The following SAMMSON variants were observed in gnomAD, a reference collection of about 807,000 sequenced individuals.
SAMMSON encodes the protein survival associated mitochondrial melanoma specific oncogenic non-coding RNA.
At chr3:70,225,005 C>A (rs1701490305) in intron 4 of SAMMSON, among the ~76,000 whole-genome samples, 1 of 152,048 alleles carries the variant, frequency 6.6e-6, no homozygotes, top group South Asian at 2.1e-4. Flanking sequence ...AATGTTGATA[C>A]GTGTACTCAA....
At chr3:70,418,978 C>CT (rs1553664159) in intron 2 of SAMMSON, among the ~76,000 whole-genome samples, 4 of 56,680 alleles carry the variant, frequency 7.1e-5, no homozygotes, top group African/African-American at 2.2e-4. Context: ...TCCTTCCTTC[C>CT]TTCTCTCTCT....
intron 9 of SAMMSON, among the ~76,000 whole-genome samples, chr3:70,371,810 T>C (rs1430842185): frequency 6.6e-6 from 1 of 152,186 alleles, no homozygotes; most frequent in African/African-American, 2.4e-5. Flanking sequence ...CTTTTCCAGA[T>C]TGGTTGCCTT....
chr3:70,029,747 T>G, intron 3 of SAMMSON, among the ~76,000 whole-genome samples: 1 of 139,648 alleles, frequency 7.2e-6, no homozygotes, highest in South Asian at 2.4e-4. Flanking sequence ...AGAGTAAGAC[T>G]CTGTCAAAAA....
intron 4 of SAMMSON, among the ~76,000 whole-genome samples, chr3:70,107,400 G>A (rs535776390): frequency 8.5e-5 from 13 of 152,236 alleles, no homozygotes; most frequent in African/African-American, 2.6e-4. Flanking sequence ...TCATAAATTG[G>A]GAGTGGTCTC....
At chr3:70,417,087 A>C (rs980711516) in intron 2 of SAMMSON, among the ~76,000 whole-genome samples, 1 of 152,130 alleles carries the variant, frequency 6.6e-6, no homozygotes, top group Non-Finnish European at 1.5e-5. Context: ...TTCCAGGTGG[A>C]ACATTGTGTA....
At chr3:70,216,636 G>A (rs1369163103) in intron 4 of SAMMSON, among the ~76,000 whole-genome samples, 2 of 152,050 alleles carry the variant, frequency 1.3e-5, no homozygotes, top group Non-Finnish European at 2.9e-5. Flanking sequence ...ATGTATTATA[G>A]ATGTTACCGT....
intron 4 of SAMMSON, among the ~76,000 whole-genome samples, chr3:70,243,628 G>T (rs1223851699): frequency 6.6e-6 from 1 of 152,126 alleles, no homozygotes; most frequent in East Asian, 1.9e-4. Context: ...GGGTTGGGTG[G>T]CAGCGTCCCT....
At chr3:70,284,303 T>A (rs2106685079) in intron 6 of SAMMSON, among the ~76,000 whole-genome samples, 1 of 152,334 alleles carries the variant, frequency 6.6e-6, no homozygotes, top group South Asian at 2.1e-4. Flanking sequence ...TGCTCTACAA[T>A]TTTATAGAGT....
intron 7 of SAMMSON, among the ~76,000 whole-genome samples, chr3:70,337,091 ATAATAATATCTAACTTAATATTC>A (rs1702669366): frequency 1.0e-4 from 4 of 40,024 alleles, no homozygotes; most frequent in Non-Finnish European, 2.5e-4. Flanking sequence ...ATTCTTATTA[ATAATAATATCTAACTTAATATTC>A]TTATTAATAA....
At chr3:70,209,315 A>C (rs773303192) in intron 4 of SAMMSON, among the ~76,000 whole-genome samples, 1 of 152,082 alleles carries the variant, frequency 6.6e-6, no homozygotes, top group Non-Finnish European at 1.5e-5. Flanking sequence ...AAATGTTTGT[A>C]GATATTGCTG....
chr3:70,340,401 A>T (rs1271723026), intron 7 of SAMMSON, among the ~76,000 whole-genome samples: 162 of 114,352 alleles, frequency 1.4e-3, no homozygotes, highest in African/African-American at 3.7e-3. Context: ...TATATATAAA[A>T]AAAGCAGGGT....
intron 4 of SAMMSON, among the ~76,000 whole-genome samples, chr3:70,189,192 G>C (rs1559530938): frequency 6.6e-6 from 1 of 152,090 alleles, no homozygotes; most frequent in Non-Finnish European, 1.5e-5. Flanking sequence ...GTTCACAAAG[G>C]ATAAAGCCAG....
rs77905286 is a variant in SAMMSON, at chr3:70,325,970, T to C, written n.740-28205T>C. ...TACAATCCAGTTGATTGTTACAACT[T>C]TATTTTATCTCATCTTTCACTCTTT... On this transcript the variant is annotated intron_variant and non_coding_transcript_variant, in intron 7 of 9. Transcript: ENST00000642114. Among the ~76,000 whole-genome samples the C allele has an allele frequency of 1.4e-3, 218 of 152,290 alleles. 3 individuals carry two copies. The East Asian group carries it at 0.038, about 26-fold the overall frequency.
At chr3:70,130,477 C>A (rs777106269) in intron 4 of SAMMSON, among the ~76,000 whole-genome samples, 1 of 152,114 alleles carries the variant, frequency 6.6e-6, no homozygotes, top group African/African-American at 2.4e-5. Context: ...ATTCTTACAA[C>A]GTGATAATGA....
intron 7 of SAMMSON, among the ~76,000 whole-genome samples, chr3:70,333,833 A>G (rs1346829615): frequency 2.0e-5 from 3 of 152,224 alleles, no homozygotes; most frequent in African/African-American, 7.2e-5. Flanking sequence ...AGGATAACCC[A>G]ATGAAGCATG....
chr3:70,317,268 T>C (rs113839476), intron 7 of SAMMSON, among the ~76,000 whole-genome samples: 50 of 152,148 alleles, frequency 3.3e-4, no homozygotes, highest in Non-Finnish European at 5.7e-4. Context: ...TTTGCAGATA[T>C]TGCATTTGTT....
chr3:70,390,346 G>A (rs1046575123), downstream of SAMMSON, among the ~76,000 whole-genome samples: 2 of 152,082 alleles, frequency 1.3e-5, no homozygotes, highest in African/African-American at 2.4e-5. Flanking sequence ...TAATGATTTT[G>A]ATAAATGTAT....
At chr3:70,407,272 T>C (rs1701184534) in intron 2 of SAMMSON, among the ~76,000 whole-genome samples, 2 of 152,166 alleles carry the variant, frequency 1.3e-5, no homozygotes, top group South Asian at 4.1e-4. Flanking sequence ...TCTCATGTCC[T>C]CACATTTCAA....
intron 2 of SAMMSON, chr3:70,424,675 A>C (rs1042037301): frequency 6.6e-6 from 1 of 152,226 alleles, no homozygotes; most frequent in African/African-American, 2.4e-5. Flanking sequence ...CTACTTAAAA[A>C]AGGACTGTTC....
Sources: allele counts gnomAD v4.1 joint callset (sites outside exome capture counted in the v4.1 genomes callset), GRCh38; gene constraint gnomAD v4.1.1; transcripts MANE v1.5; gene names NCBI Gene and HGNC (gene_info 2026-07-23, HGNC 2026-07-21).